The following ALPK2 variants were observed in gnomAD, a reference collection of about 807,000 sequenced individuals.
ALPK2 encodes the protein alpha-protein kinase 2.
In ALPK2, 127 loss-of-function variants were observed where a neutral mutation model predicts 163.1. The observed-to-expected ratio is 0.78, with a 90% CI of 0.67 to 0.90. The LOEUF is 0.90. ALPK2 is among the 40% of genes least tolerant of loss of function. The pLI, the probability that ALPK2 is intolerant of heterozygous loss-of-function variation, is 0.00. For synonymous variants in ALPK2, 953 were observed against 959.1 expected, an observed-to-expected ratio of 0.99 and a Z score of 0.12; for missense variants, 2,360 against 2,589.6, an observed-to-expected ratio of 0.91 and a Z score of 1.92.
intron 4 of ALPK2, among the ~76,000 whole-genome samples, chr18:58,568,168 T>C (rs2051866365): frequency 6.6e-6 from 1 of 152,194 alleles, no homozygotes; most frequent in Non-Finnish European, 1.5e-5. Context: ...CCAAAGCCCT[T>C]ACACTTTAAG....
chr18:58,627,051 G>T (rs1178865858), intron 1 of ALPK2, among the ~76,000 whole-genome samples: 1 of 152,134 alleles, frequency 6.6e-6, no homozygotes, highest in African/African-American at 2.4e-5. Flanking sequence ...GGTTCAAACA[G>T]GTTGAAAAGT....
chr18:58,613,710 ATAATAATAATAAT>A (rs1396549612), intron 1 of ALPK2, among the ~76,000 whole-genome samples: 3 of 84,750 alleles, frequency 3.5e-5, no homozygotes, highest in Non-Finnish European at 5.7e-5. Context: ...AAAAAAAAAA[ATAATAATAATAAT>A]AATAATAATA....
chr18:58,616,339 T>C (rs547330962), intron 1 of ALPK2, among the ~76,000 whole-genome samples: 1 of 152,308 alleles, frequency 6.6e-6, no homozygotes, highest in Admixed American at 6.5e-5. Flanking sequence ...ATCCTTCTTT[T>C]ACCTGTCCAA....
chr18:58,490,485 TC>T (rs35117295), intron 12 of ALPK2, among the ~76,000 whole-genome samples: 6 of 150,732 alleles, frequency 4.0e-5, no homozygotes, highest in African/African-American at 1.5e-4. Context: ...GTCCAGCCCC[TC>T]CCCTTGGTTC....
At chr18:58,493,486 C>T (rs1398933187) in intron 12 of ALPK2, among the ~76,000 whole-genome samples, 1 of 152,166 alleles carries the variant, frequency 6.6e-6, no homozygotes, top group African/African-American at 2.4e-5. Context: ...CAAAGCATCC[C>T]AGGTGGCTGC....
At chr18:58,486,817 C>T (rs2051341220) in intron 12 of ALPK2, among the ~76,000 whole-genome samples, 1 of 152,138 alleles carries the variant, frequency 6.6e-6, no homozygotes. Context: ...TTGCCCTTGC[C>T]CAAGAAGAAA....
Position 58,579,331 on chromosome 18 carries a change from T to C in ALPK2, c.1445A>G (p.Asp482Gly). The part of the protein sequence containing the change: ...SHQAREEFAS[D>G]NLLNMDESVR... ...TGATTCATCCATGTTGAGCAGATTG[T>C]CACTGGCAAATTCCTCTCTTGCTTG... The change falls in exon 4 of 13, where the codon GAC (aspartate) becomes GGC (glycine). Residue 482 changes from aspartate (D) to glycine (G), a missense_variant. By Grantham distance (94) the Asp-to-Gly change is moderately conservative. Transcript: ENST00000361673. The C allele has an allele frequency of 6.2e-7, 1 of 1,614,236 alleles. No homozygotes were observed. The highest frequency in any genetic ancestry group is 8.5e-7 in the Non-Finnish European group (1 of 1,180,042).
At chr18:58,561,271 G>A (rs904192657) in intron 4 of ALPK2, among the ~76,000 whole-genome samples, 1 of 152,188 alleles carries the variant, frequency 6.6e-6, no homozygotes. Flanking sequence ...TACTGGGGAG[G>A]GTGTGAGGAA....
chr18:58,517,001 G>C lies in ALPK2; in HGVS notation c.5847C>G (p.Gly1949=), dbSNP rs1363066922. Residue 1949 remains glycine, a synonymous_variant, in exon 9 of 13, where the codon GGC becomes GGG. Coordinates refer to ENST00000361673, the MANE Select transcript of ALPK2 (RefSeq NM_052947.4). ...MHGLMPVFKP[G]HACVLKVHNA... Reference sequence around the variant, plus strand: ...TGTGCACCTTAAGCACACAGGCATGGCCAGGTTTGAAGACAGGCATGAGGC... The same window carrying C: ...TGTGCACCTTAAGCACACAGGCATGCCCAGGTTTGAAGACAGGCATGAGGC... 1.2e-6 allele frequency: 2 copies of C among 1,614,244 alleles called. No individual in the cohort carries two copies. Among genetic ancestry groups the C allele is most frequent in the East Asian group, 4.5e-5 (2 of 44,888 alleles).
At chr18:58,538,382 G>C (rs557246580) in intron 4 of ALPK2, 158 bp from the exon 5 acceptor site, 3 of 712,228 alleles carry the variant, frequency 4.2e-6, no homozygotes, top group Admixed American at 3.5e-5. Context: ...CTAGCTATTA[G>C]AGATTTCCTA....
chr18:58,509,825 G>T (rs200712958), intron 10 of ALPK2, among the ~76,000 whole-genome samples: 139,608 of 149,548 alleles, frequency 0.93, 65,876 homozygotes, highest in East Asian at 1. Context: ...TTTCTCCCAT[G>T]CTGTAGGTTG....
chr18:58,511,203 T>C (rs1224701526), intron 10 of ALPK2, among the ~76,000 whole-genome samples: 2 of 152,222 alleles, frequency 1.3e-5, no homozygotes, highest in Non-Finnish European at 2.9e-5. Context: ...GATTTGCATA[T>C]GTTGAACCAG....
chr18:58,483,945 C>T (rs910682080), intron 12 of ALPK2, among the ~76,000 whole-genome samples: 4 of 152,076 alleles, frequency 2.6e-5, no homozygotes, highest in African/African-American at 9.7e-5. Flanking sequence ...CTGGACTGTG[C>T]ACCTCCTCTT....
At position 58,529,101 on chromosome 18, in the gene ALPK2, C is replaced by T. The variant is rs1183143656; in HGVS notation, c.5491G>A (p.Val1831Met). ...WTKDSKSIAQ[V>M]QRSAGDNSTV... ...GGAAAAACATCGCACCTTCTCTGCA[C>T]TTGGGCTATGGACTTTGAATCTTTT... The change falls in exon 6 of 13, where the codon GTG (valine) becomes ATG (methionine). Residue 1831 changes from valine (V) to methionine (M), a missense_variant. Physicochemically the swap from Val to Met is conservative, Grantham distance 21. Transcript: ENST00000361673. The T allele has an allele frequency of 6.2e-7, 1 of 1,613,974 alleles. No individual in the cohort carries two copies. The highest frequency in any genetic ancestry group is 8.5e-7 in the Non-Finnish European group (1 of 1,179,992).
chr18:58,550,060 G>A (rs2051742969), intron 4 of ALPK2, among the ~76,000 whole-genome samples: 1 of 152,068 alleles, frequency 6.6e-6, no homozygotes, highest in South Asian at 2.1e-4. Context: ...ACACCTGTTT[G>A]CTTTCAGATT....
At chr18:58,553,923 A>G (rs1312793170) in intron 4 of ALPK2, among the ~76,000 whole-genome samples, 1 of 114,802 alleles carries the variant, frequency 8.7e-6, no homozygotes, top group East Asian at 3.1e-4. Context: ...GTGCAGTGGC[A>G]TGATCTTGGC....
rs1320566668 is a variant in ALPK2, at chr18:58,524,039, G to C, written c.5525C>G (p.Ser1842Cys). 67 of 1,613,728 alleles carry C rather than the reference G, an allele frequency of 4.2e-5. No homozygotes were observed. The highest frequency in any genetic ancestry group is 5.4e-5 in the Non-Finnish European group (64 of 1,179,800). Residue 1842 changes from serine to cysteine, a missense_variant, in exon 7 of 13, where the codon TCC (serine) becomes TGC (cysteine). Ser to Cys is a moderately radical substitution (Grantham distance 112). Transcript: ENST00000361673. ...CGGACTGGCTTGCACGATGGCAAAG[G>C]AAACAGTGGAGTTGTCCCCTGCACT... ...QRSAGDNSTV[S>C]FAIVQASPKD...
intron 3 of ALPK2, among the ~76,000 whole-genome samples, chr18:58,606,685 C>T (rs1392410555): frequency 2.0e-5 from 3 of 152,140 alleles, no homozygotes; most frequent in African/African-American, 4.8e-5. Context: ...CTCCTCAGAG[C>T]CCCATAATGG....
chr18:58,556,257 C>T (rs192110333), intron 4 of ALPK2, among the ~76,000 whole-genome samples: 2 of 152,282 alleles, frequency 1.3e-5, no homozygotes, highest in African/African-American at 4.8e-5. Context: ...CCCAGTTACT[C>T]AGTCACCTTC....
Sources: gnomAD v4.1 joint callset for allele counts (sites outside exome capture counted in the v4.1 genomes callset) on GRCh38, gnomAD v4.1.1 for gene constraint, MANE v1.5 for transcripts, NCBI Gene and HGNC (gene_info 2026-07-23, HGNC 2026-07-21) for gene names.